WWOX: variants seen among roughly 807,000 people sequenced by gnomAD.
WWOX encodes WW domain-containing oxidoreductase.
In WWOX, 69 loss-of-function variants were observed where a neutral mutation model predicts 46.2. The observed-to-expected ratio is 1.49, with a 90% CI of 1.23 to 1.82. The LOEUF is 1.82. Among genes scored for constraint, WWOX ranks in the 40% most tolerant of loss-of-function variants. The pLI, the probability that WWOX is intolerant of heterozygous loss-of-function variation, is 0.00. For missense variants in WWOX, 919 were observed against 542.6 expected, an observed-to-expected ratio of 1.69 and a Z score of -6.89; for synonymous variants, 359 against 202.6, an observed-to-expected ratio of 1.77 and a Z score of -6.56.
At chr16:78,574,675 T>C (rs1188537196) in intron 8 of WWOX, among the ~76,000 whole-genome samples, 2 of 151,922 alleles carry the variant, frequency 1.3e-5, no homozygotes, top group Non-Finnish European at 2.9e-5. Context: ...AAGGACATTA[T>C]GTTAAGTCAA....
At chr16:78,993,238 A>T (rs2046923066) in intron 8 of WWOX, among the ~76,000 whole-genome samples, 1 of 151,750 alleles carries the variant, frequency 6.6e-6, no homozygotes, top group Admixed American at 6.6e-5. Flanking sequence ...AGCCGAGGAT[A>T]ACGGCGCCGA....
chr16:78,201,698 T>C lies in WWOX; in HGVS notation c.516+37409T>C, dbSNP rs1005177420. On this transcript the variant is annotated intron_variant, in intron 5 of 8. Transcript: ENST00000566780. ...GATTATTTATTTATTTATTTATTTATTTATTTATTTATTTATTGTTTGAGA... is the reference window on the plus strand; with the variant it reads ...GATTATTTATTTATTTATTTATTTACTTATTTATTTATTTATTGTTTGAGA... Among the ~76,000 whole-genome samples the C allele has an allele frequency of 2.6e-4, 40 of 151,562 alleles. No homozygotes were observed. In the East Asian group the frequency reaches 5.8e-3, roughly 22 times the overall value.
At chr16:78,731,856 T>TA (rs2048977706) in intron 8 of WWOX, among the ~76,000 whole-genome samples, 1 of 137,854 alleles carries the variant, frequency 7.3e-6, no homozygotes, top group Admixed American at 6.8e-5. Context: ...TTTTTTTTTT[T>TA]TTTTTTTGAG....
chr16:79,097,011 C>T (rs1174649237), intron 8 of WWOX, among the ~76,000 whole-genome samples: 3 of 151,826 alleles, frequency 2.0e-5, no homozygotes, highest in East Asian at 1.9e-4. Context: ...TTGCAACTTT[C>T]TGTGGCATAG....
intron 8 of WWOX, among the ~76,000 whole-genome samples, chr16:79,150,916 T>A (rs943550821): frequency 2.6e-5 from 4 of 152,224 alleles, no homozygotes; most frequent in African/African-American, 9.6e-5. Flanking sequence ...GCCATCATTC[T>A]GCTGTCACTG....
intron 8 of WWOX, among the ~76,000 whole-genome samples, chr16:78,959,198 C>A (rs77511160): frequency 6.6e-6 from 1 of 152,130 alleles, no homozygotes; most frequent in African/African-American, 2.4e-5. Flanking sequence ...TCAAGGTTCT[C>A]GTTCTTCTCA....
Position 78,957,352 on chromosome 16 carries a change from A to T in WWOX, c.1057-254256A>T, listed in dbSNP as rs372097446. 5.3e-5 allele frequency among the ~76,000 whole-genome samples: 8 copies of T among 152,260 alleles called. No individual in the cohort carries two copies. The East Asian group carries it at 1.5e-3, about 29-fold the overall frequency. ...TGAGATCACAAGAAAGAATTATATT[A>T]GCTTGAGCTGAATTGTTCTTTTCCC... On this transcript the variant is annotated intron_variant, in intron 8 of 8. Transcript: ENST00000566780.
chr16:78,595,952 A>ATCCT (rs2045479794), intron 8 of WWOX, among the ~76,000 whole-genome samples: 1 of 152,206 alleles, frequency 6.6e-6, no homozygotes, highest in African/African-American at 2.4e-5. Flanking sequence ...TGAACTCAGG[A>ATCCT]GAGTGGAAAA....
chr16:78,554,501 A>T (rs2151547650), intron 8 of WWOX, among the ~76,000 whole-genome samples: 1 of 152,320 alleles, frequency 6.6e-6, no homozygotes, highest in South Asian at 2.1e-4. Context: ...AGATACATAC[A>T]TACACATATA....
intron 8 of WWOX, among the ~76,000 whole-genome samples, chr16:78,443,966 T>C (rs535130984): frequency 6.6e-6 from 1 of 152,328 alleles, no homozygotes; most frequent in South Asian, 2.1e-4. Flanking sequence ...ACGATGTTTC[T>C]GGAATGTTTC....
rs117507762 is a variant in WWOX at position 78,668,849 on chromosome 16, G to T, written c.1056+236097G>T. ...GAGCGTGTCTGAGTCTTCCTGATGA[G>T]ACACGTGGTGTTCACTTGATAACTC... is the stretch of plus-strand genomic sequence containing the variant. On this transcript the variant is annotated intron_variant, in intron 8 of 8. Coordinates refer to ENST00000566780, the MANE Select transcript of WWOX (RefSeq NM_016373.4). 2.0e-3 allele frequency among the ~76,000 whole-genome samples: 303 copies of T among 152,290 alleles called. 2 individuals are homozygous for T. Among genetic ancestry groups the T allele is most frequent in the South Asian group, 8.5e-3 (41 of 4,828 alleles).
At chr16:78,337,862 C>G (rs12596183) in intron 5 of WWOX, among the ~76,000 whole-genome samples, 37,893 of 116,220 alleles carry the variant, frequency 0.33, 12,988 homozygotes, top group South Asian at 0.55. Context: ...GCCGTGTGAC[C>G]TCAGTGGTAG....
At chr16:78,953,445 C>T (rs559798074) in intron 8 of WWOX, among the ~76,000 whole-genome samples, 1 of 150,276 alleles carries the variant, frequency 6.7e-6, no homozygotes, top group Non-Finnish European at 1.5e-5. Context: ...ATCAACAGTC[C>T]CTTTAGGACC....
intron 8 of WWOX, chr16:78,691,336 A>G: frequency 1.4e-6 from 1 of 699,474 alleles, no homozygotes; most frequent in Non-Finnish European, 2.6e-6. Context: ...TTTCATTTTC[A>G]ACATAGCTTT....
intron 8 of WWOX, among the ~76,000 whole-genome samples, chr16:78,909,523 G>T (rs532374737): frequency 6.6e-6 from 1 of 152,162 alleles, no homozygotes; most frequent in African/African-American, 2.4e-5. Context: ...TAGGTCCCAC[G>T]TGCCTTCTGG....
chr16:78,397,530 A>C (rs1401894448), intron 6 of WWOX, among the ~76,000 whole-genome samples: 1 of 152,216 alleles, frequency 6.6e-6, no homozygotes, highest in East Asian at 1.9e-4. Flanking sequence ...ACTTCGTCCA[A>C]AATCTCTTCT....
At chr16:78,262,883 A>G (rs962386121) in intron 5 of WWOX, among the ~76,000 whole-genome samples, 1 of 152,218 alleles carries the variant, frequency 6.6e-6, no homozygotes, top group African/African-American at 2.4e-5. Flanking sequence ...AAATTCTCAT[A>G]GCCTGAGAAG....
At chr16:78,986,075 G>A (rs150704330) in intron 8 of WWOX, among the ~76,000 whole-genome samples, 17 of 152,336 alleles carry the variant, frequency 1.1e-4, no homozygotes, top group Admixed American at 6.5e-4. Flanking sequence ...GCATGGGAGC[G>A]TGTGGGAATG....
intron 8 of WWOX, among the ~76,000 whole-genome samples, chr16:78,534,129 G>T (rs900215649): frequency 6.6e-6 from 1 of 152,168 alleles, no homozygotes; most frequent in Middle Eastern, 3.4e-3. Context: ...TATTAATAGC[G>T]CTATCTGGCT....
Sources: gnomAD v4.1 joint callset for allele counts (sites outside exome capture counted in the v4.1 genomes callset) on GRCh38, gnomAD v4.1.1 for gene constraint, MANE v1.5 for transcripts, NCBI Gene and HGNC (gene_info 2026-07-23, HGNC 2026-07-21) for gene names.